The following GUSB variants were observed in gnomAD, a reference collection of about 807,000 sequenced individuals.
GUSB encodes beta-glucuronidase.
Under a neutral mutation model 74.6 loss-of-function variants are expected in GUSB, and 51 were observed. That is an observed-to-expected ratio of 0.68 (90% confidence interval 0.55 to 0.86). The LOEUF is 0.86. Among genes scored for constraint, GUSB ranks in the 40% least tolerant of loss-of-function variants. The pLI, the probability that GUSB is intolerant of heterozygous loss-of-function variation, is 0.00. For synonymous variants in GUSB, 360 were observed against 348.3 expected (o/e 1.03, Z -0.37); for missense variants, 736 against 853.7 (o/e 0.86, Z 1.72).
At chr7:65,969,154 G>A (rs1172459880) in intron 9 of GUSB, among the ~76,000 whole-genome samples, 1 of 152,098 alleles carries the variant, frequency 6.6e-6, no homozygotes, top group African/African-American at 2.4e-5. Context: ...GCCAAAGTGG[G>A]CAGATCACCT....
At chr7:65,965,888 G>C (rs1790797962) in intron 10 of GUSB, among the ~76,000 whole-genome samples, 1 of 152,154 alleles carries the variant, frequency 6.6e-6, no homozygotes, top group African/African-American at 2.4e-5. Flanking sequence ...TTCAGAGCTA[G>C]GGCTTGGCAC....
intron 4 of GUSB, 73 bp downstream of exon 4, chr7:65,979,326 G>C: frequency 7.0e-7 from 1 of 1,433,850 alleles, no homozygotes; most frequent in East Asian, 2.3e-5. Context: ...TTTTTCCTGG[G>C]AGAGCTTTCC....
intron 9 of GUSB, among the ~76,000 whole-genome samples, chr7:65,968,209 A>G (rs1358515126): frequency 6.9e-6 from 1 of 145,550 alleles, no homozygotes; most frequent in Admixed American, 7.2e-5. Context: ...CCTGGGCAAC[A>G]TCACAAGCCC....
In GUSB at chr7:65,982,191, G is replaced by A. The variant is rs909934849; in HGVS notation, c.-8C>T. 4.7e-6 allele frequency: 7 copies of A among 1,503,682 alleles called. No individual in the cohort carries two copies. The highest frequency in any genetic ancestry group is 1.2e-5 in the South Asian group (1 of 81,296). The allele number at this position is 1,503,682 out of a possible 1,614,324, so 93.1% of individuals were successfully genotyped here. On this transcript the variant is annotated 5_prime_UTR_variant, in exon 1 of 12. Coordinates refer to ENST00000304895, the MANE Select transcript of GUSB (RefSeq NM_000181.4). ...CGCCGACCCCCGGGCCATGCTTCCCGGTCCCCCGCTCGGCCACCGTCTGCG... is the reference window on the plus strand; with the variant it reads ...CGCCGACCCCCGGGCCATGCTTCCCAGTCCCCCGCTCGGCCACCGTCTGCG...
At chr7:65,974,266 C>T in intron 8 of GUSB, 29 bp downstream of exon 8, 1 of 1,612,940 alleles carries the variant, frequency 6.2e-7, no homozygotes, top group South Asian at 1.1e-5. Flanking sequence ...CCTTCCCACT[C>T]TAGCCGAGGG....
chr7:65,980,184 T>TCCCCCCCCCCCC, intron 2 of GUSB, 40 bp downstream of exon 2: 57 of 720,074 alleles, frequency 7.9e-5, no homozygotes, highest in South Asian at 1.9e-4. Flanking sequence ...TCAGCAGCCG[T>TCCCCCCCCCCCC]GCCCCCCCAC....
chr7:65,961,091 C>T (rs1355271866), intron 11 of GUSB, 28 bp from the exon 12 acceptor site: 8 of 1,594,644 alleles, frequency 5.0e-6, no homozygotes, highest in East Asian at 2.2e-5. Flanking sequence ...AGACACAAAG[C>T]GATTCAGATG....
chr7:65,973,816 A>T (rs1012748008), intron 8 of GUSB, among the ~76,000 whole-genome samples: 3 of 152,160 alleles, frequency 2.0e-5, no homozygotes, highest in Non-Finnish European at 4.4e-5. Flanking sequence ...CTAGAATCCC[A>T]GCTACTTGGG....
intron 11 of GUSB, among the ~76,000 whole-genome samples, chr7:65,962,849 G>A (rs1468032158): frequency 1.3e-5 from 2 of 150,028 alleles, no homozygotes; most frequent in African/African-American, 4.9e-5. Context: ...TCCAGCCTGG[G>A]AAACGAGCAA....
chr7:65,972,518 T>C (rs904293313), intron 8 of GUSB, among the ~76,000 whole-genome samples: 9 of 152,248 alleles, frequency 5.9e-5, no homozygotes, highest in Non-Finnish European at 8.8e-5. Flanking sequence ...CATTTCTTCT[T>C]TTACGCCCTC....
intron 10 of GUSB, 57 bp downstream of exon 10, chr7:65,967,674 G>T: frequency 7.1e-7 from 1 of 1,404,198 alleles, no homozygotes; most frequent in Non-Finnish European, 1.0e-6. Flanking sequence ...GCTGGAGGAG[G>T]TGAGTGACAT....
intron 9 of GUSB, among the ~76,000 whole-genome samples, chr7:65,969,936 C>A (rs1248601516): frequency 6.6e-6 from 1 of 152,180 alleles, no homozygotes; most frequent in Non-Finnish European, 1.5e-5. Context: ...GCCCAGCCTC[C>A]TTGGATTGAG....
rs1271333143 is a variant in GUSB, at chr7:65,979,315, C to T, written c.724+84G>A. On this transcript the variant is annotated intron_variant, in intron 4 of 11. Transcript: ENST00000304895. ...GAGGGTGTAGAGATGCTGGGAGCAC[C>T]TTTTTCCTGGGAGAGCTTTCCAAAC... 3 of 1,371,942 alleles carry T rather than the reference C, an allele frequency of 2.2e-6. No homozygotes were observed. The African/African-American group carries it at 4.3e-5, about 20-fold the overall frequency. The allele number at this position is 1,371,942 out of a possible 1,614,324, so 85.0% of individuals were successfully genotyped here. A position where few individuals can be genotyped will look rare whatever the true frequency, so the allele number is the denominator to read the frequency against.
At position 65,964,413 on chromosome 7, in the gene GUSB, C is replaced by T. The variant is rs748750514; in HGVS notation, c.1699G>A (p.Glu567Lys). ...TGATCCAGACCCAGATGGTACTGCT[C>T]TAGCAGACTTTTCTGGTACTCTTCA... ...FTEEYQKSLL[E>K]QYHLGLDQKR... Residue 567 changes from glutamate (E) to lysine (K), a missense_variant, in exon 11 of 12, where the codon GAG (glutamate) becomes AAG (lysine). By Grantham distance (56) the Glu-to-Lys change is moderately conservative. Coordinates refer to ENST00000304895, the MANE Select transcript of GUSB (RefSeq NM_000181.4). 1.2e-6 allele frequency: 2 copies of T among 1,610,698 alleles called. No individual in the cohort carries two copies. The highest frequency in any genetic ancestry group is 4.5e-5 in the East Asian group (2 of 44,884).
intron 8 of GUSB, among the ~76,000 whole-genome samples, chr7:65,973,748 C>G (rs892712620): frequency 1.3e-5 from 2 of 151,782 alleles, no homozygotes; most frequent in African/African-American, 2.4e-5. Context: ...TAGAGGGAGA[C>G]TGCATATCCA....
intron 4 of GUSB, among the ~76,000 whole-genome samples, chr7:65,976,965 G>T (rs1007447875): frequency 6.6e-6 from 1 of 151,894 alleles, no homozygotes; most frequent in Admixed American, 6.6e-5. Flanking sequence ...ACTGAGACAC[G>T]TGACGTGTGA....
chr7:65,979,531 C>T lies in GUSB; in HGVS notation c.592G>A (p.Gly198Ser). 1 of 1,614,132 alleles carries T rather than the reference C, an allele frequency of 6.2e-7. No homozygotes were observed. Among genetic ancestry groups the T allele is most frequent in the Non-Finnish European group, 8.5e-7 (1 of 1,180,000 alleles). The change falls in exon 4 of 12, where the codon GGT becomes AGT. Residue 198 changes from glycine to serine, a missense_variant. This residue lies in a region of GUSB where 368 missense variants were observed against 363.8 expected (regional missense o/e 1.01). Transcript: ENST00000304895. ...YLTDTSKYPK[G>S]YFVQNTYFDF... Reference sequence around the variant, plus strand: ...AAATATGTGTTCTGGACAAAGTAACCCTTGGGATACCTAGGATGGGAGGAC... The same window carrying T: ...AAATATGTGTTCTGGACAAAGTAACTCTTGGGATACCTAGGATGGGAGGAC...
chr7:65,964,966 G>A (rs984155255), intron 10 of GUSB, among the ~76,000 whole-genome samples: 2 of 152,130 alleles, frequency 1.3e-5, no homozygotes, highest in African/African-American at 2.4e-5. Flanking sequence ...CTACTTGGGA[G>A]GCTGAGGTTG....
In GUSB at chr7:65,977,164, C is replaced by T. The variant is rs531247639; in HGVS notation, c.725-962G>A. Among the ~76,000 whole-genome samples the T allele has an allele frequency of 2.6e-5, 4 of 152,244 alleles. No homozygotes were observed. In the East Asian group the frequency reaches 5.8e-4, roughly 22 times the overall value. ...CCTGAATTCTGTGTCTCAGGGTGAA[C>T]TGTGCATTTTGCACTTCACTATTTT... On this transcript the variant is annotated intron_variant, in intron 4 of 11. Transcript: ENST00000304895.
Sources: gnomAD v4.1 joint callset for allele counts (sites outside exome capture counted in the v4.1 genomes callset) on GRCh38, gnomAD v4.1.1 for gene constraint, gnomAD v4.1.1 regional missense constraint, MANE v1.5 for transcripts, NCBI Gene and HGNC (gene_info 2026-07-23, HGNC 2026-07-21) for gene names.